The following EYA2 variants were observed in gnomAD, a reference collection of about 807,000 sequenced individuals.
EYA2 encodes protein phosphatase EYA2.
A neutral mutation model predicts 69.2 loss-of-function variants in EYA2; 31 were observed. The observed-to-expected ratio is 0.45, with a 90% CI of 0.34 to 0.60. The LOEUF is 0.60. EYA2 is among the 20% of genes least tolerant of loss of function. The pLI, the probability that EYA2 is intolerant of heterozygous loss-of-function variation, is 0.02. For synonymous variants in EYA2, 257 were observed against 279.4 expected (o/e 0.92, Z 0.80); for missense variants, 622 against 701.2 (o/e 0.89, Z 1.28).
intron 9 of EYA2, among the ~76,000 whole-genome samples, chr20:47,109,234 A>G (rs540010780): frequency 2.0e-5 from 3 of 152,234 alleles, no homozygotes; most frequent in African/African-American, 7.2e-5. Flanking sequence ...TTTACTGCAC[A>G]TTTCCTATAC....
chr20:47,163,698 C>A (rs1313194753), intron 10 of EYA2, among the ~76,000 whole-genome samples: 37 of 85,516 alleles, frequency 4.3e-4, no homozygotes, highest in East Asian at 1.5e-3. Context: ...AACACTGTCT[C>A]AAAAAAAAAA....
chr20:46,997,527 T>G (rs997231532), intron 2 of EYA2: 2 of 152,206 alleles, frequency 1.3e-5, no homozygotes, highest in African/African-American at 4.8e-5. Context: ...TGGCCCGTTA[T>G]GCATCAGCCA....
intron 15 of EYA2, among the ~76,000 whole-genome samples, chr20:47,187,180 T>C (rs2034660639): frequency 6.6e-6 from 1 of 151,684 alleles, no homozygotes; most frequent in Admixed American, 6.6e-5. Flanking sequence ...ACCAGCCTGG[T>C]CACCATGGTG....
chr20:47,146,089 G>A (rs1426504397), intron 10 of EYA2, among the ~76,000 whole-genome samples: 1 of 152,034 alleles, frequency 6.6e-6, no homozygotes. Flanking sequence ...GGAGAGAGAG[G>A]TGGCAAGGAC....
rs951470137 is a variant in EYA2, at chr20:46,898,394, A to C, written c.-11+3407A>C. 2.2e-3 allele frequency among the ~76,000 whole-genome samples: 324 copies of C among 146,580 alleles called. 3 individuals carry two copies. The highest frequency in any genetic ancestry group is 7.1e-3 in the Middle Eastern group (2 of 282). ...AAGAAAACACAGCCTGTTGACAGAAAACACACACACACACACACACACACA... is the reference window on the plus strand; with the variant it reads ...AAGAAAACACAGCCTGTTGACAGAACACACACACACACACACACACACACA... On this transcript the variant is annotated intron_variant, in intron 1 of 15. Coordinates refer to ENST00000327619, the MANE Select transcript of EYA2 (RefSeq NM_005244.5).
At chr20:46,897,471 C>T (rs1055211503) in intron 1 of EYA2, among the ~76,000 whole-genome samples, 1 of 152,202 alleles carries the variant, frequency 6.6e-6, no homozygotes, top group Admixed American at 6.5e-5. Context: ...CCAAAGACAA[C>T]TTGCATCGGG....
At chr20:46,918,278 G>A (rs997417157) in intron 1 of EYA2, among the ~76,000 whole-genome samples, 4 of 151,132 alleles carry the variant, frequency 2.6e-5, no homozygotes, top group Admixed American at 1.3e-4. Context: ...CCGAGATCGC[G>A]CCAGTGCACT....
chr20:46,998,950 G>A (rs1389646551), intron 2 of EYA2, among the ~76,000 whole-genome samples: 1 of 152,182 alleles, frequency 6.6e-6, no homozygotes. Context: ...GAAAGGGAGA[G>A]TATTTACAGG....
At chr20:47,088,039 C>T (rs571642464) in intron 7 of EYA2, among the ~76,000 whole-genome samples, 3 of 152,204 alleles carry the variant, frequency 2.0e-5, no homozygotes, top group African/African-American at 7.2e-5. Context: ...CCAGCCTGAC[C>T]AACAGGGTGA....
intron 2 of EYA2, among the ~76,000 whole-genome samples, chr20:46,992,671 G>A (rs1174965762): frequency 1.3e-5 from 2 of 152,214 alleles, no homozygotes; most frequent in African/African-American, 4.8e-5. Context: ...GGAGCTGTCA[G>A]TGCCCTTTCT....
chr20:46,964,766 C>A (rs558831760), intron 1 of EYA2, among the ~76,000 whole-genome samples: 1 of 152,142 alleles, frequency 6.6e-6, no homozygotes, highest in African/African-American at 2.4e-5. Context: ...AAGGTCACAG[C>A]GATCATCAAG....
chr20:47,141,278 G>T (rs1018208697), intron 9 of EYA2, among the ~76,000 whole-genome samples: 1 of 151,938 alleles, frequency 6.6e-6, no homozygotes, highest in African/African-American at 2.4e-5. Context: ...TATCCTCCTA[G>T]ACTAGTGGTT....
intron 8 of EYA2, among the ~76,000 whole-genome samples, chr20:47,096,385 C>A (rs1038352158): frequency 2.0e-5 from 3 of 152,174 alleles, no homozygotes; most frequent in Non-Finnish European, 4.4e-5. Flanking sequence ...ACAAGTTTAT[C>A]CTCATTGACA....
In EYA2 at chr20:47,180,282, C is replaced by T. The variant is rs1006734973; in HGVS notation, c.1313+370C>T. Among the ~76,000 whole-genome samples, 5 of 152,166 alleles carry T rather than the reference C, an allele frequency of 3.3e-5. No homozygotes were observed. In the East Asian group the frequency reaches 9.6e-4, roughly 29 times the overall value. ...CTGACCTCAGGTGATCCACCCGCCTCGGCCTCCCAAAGTACTGGGATTGCA... is the reference window on the plus strand; with the variant it reads ...CTGACCTCAGGTGATCCACCCGCCTTGGCCTCCCAAAGTACTGGGATTGCA... On this transcript the variant is annotated intron_variant, in intron 13 of 15. Transcript: ENST00000327619.
At position 47,016,226 on chromosome 20, in the gene EYA2, G is replaced by A; in HGVS notation, c.344G>A (p.Gly115Glu). ...TTGAACCATTCCCCTGGCCAGAGTG[G>A]ATTCCTCAGCTATGGCTCCAGCTTC... ...DSLNHSPGQS[G>E]FLSYGSSFST... is the part of the protein sequence containing the mutation. The change falls in exon 5 of 16, where the codon GGA becomes GAA. Residue 115 changes from glycine to glutamate, a missense_variant. By Grantham distance (98) the Gly-to-Glu change is moderately conservative (BLOSUM62 -2). Transcript: ENST00000327619. 3 of 1,614,152 alleles carry A rather than the reference G, an allele frequency of 1.9e-6. No homozygotes were observed. Among genetic ancestry groups the A allele is most frequent in the Non-Finnish European group, 2.5e-6 (3 of 1,180,028 alleles).
intron 2 of EYA2, among the ~76,000 whole-genome samples, chr20:46,999,204 A>G (rs1982210433): frequency 6.6e-6 from 1 of 152,234 alleles, no homozygotes; most frequent in East Asian, 1.9e-4. Flanking sequence ...GAAAACATTT[A>G]AAGTGTTTAA....
At position 47,180,466 on chromosome 20, in the gene EYA2, A is replaced by T. The variant is rs117294051; in HGVS notation, c.1314-349A>T. On this transcript the variant is annotated intron_variant, in intron 13 of 15. Coordinates refer to ENST00000327619, the MANE Select transcript of EYA2 (RefSeq NM_005244.5). ...ATTCTCCCAAAAGATGAGAACTGGC[A>T]TGCAGGCTCCAGCTTACTCTATTCC... Among the ~76,000 whole-genome samples the T allele has an allele frequency of 3.2e-4, 48 of 152,310 alleles. No homozygotes were observed. In the East Asian group the frequency reaches 8.7e-3, roughly 28 times the overall value.
chr20:47,054,918 G>A (rs1201456595), intron 5 of EYA2, among the ~76,000 whole-genome samples: 2 of 152,216 alleles, frequency 1.3e-5, no homozygotes, highest in African/African-American at 4.8e-5. Flanking sequence ...TCCAGAAATA[G>A]ATGGATCCGG....
chr20:46,897,122 A>G (rs1428921281), intron 1 of EYA2, among the ~76,000 whole-genome samples: 2 of 152,210 alleles, frequency 1.3e-5, no homozygotes, highest in Non-Finnish European at 2.9e-5. Flanking sequence ...TTATAGGATT[A>G]CCATTTGGCA....
Sources: gnomAD v4.1 joint callset for allele counts (sites outside exome capture counted in the v4.1 genomes callset) on GRCh38, gnomAD v4.1.1 for gene constraint, MANE v1.5 for transcripts, NCBI Gene and HGNC (gene_info 2026-07-23, HGNC 2026-07-21) for gene names.